The following HPSE2 variants were observed in gnomAD, a reference collection of about 807,000 sequenced individuals.
The protein encoded by HPSE2 is heparanase 2 (inactive), also known as inactive heparanase-2.
Under a neutral mutation model 60.5 loss-of-function variants are expected in HPSE2, and 38 were observed. That is an observed-to-expected ratio of 0.63 (90% CI 0.48 to 0.82). The LOEUF (loss-of-function observed/expected upper bound fraction) is 0.82, where lower values mean the gene tolerates loss of function less well. HPSE2 is among the 40% of genes least tolerant of loss of function. HPSE2 has a pLI of 0.00. For synonymous variants in HPSE2, 295 were observed against 293.2 expected (o/e 1.01, Z -0.06); for missense variants, 713 against 740.4 (o/e 0.96, Z 0.43).
intron 4 of HPSE2, among the ~76,000 whole-genome samples, chr10:98,725,307 C>G (rs1268931277): frequency 4.6e-4 from 70 of 152,124 alleles, no homozygotes; most frequent in Non-Finnish European, 2.5e-4. Context: ...ACCAATGGAA[C>G]AGAACAGAGC....
intron 3 of HPSE2, among the ~76,000 whole-genome samples, chr10:99,134,073 G>A (rs1370830133): frequency 6.6e-6 from 1 of 152,154 alleles, no homozygotes; most frequent in East Asian, 1.9e-4. Flanking sequence ...ACTTCGTGAA[G>A]CATACACAAG....
At chr10:99,032,555 A>G (rs1564751226) in intron 3 of HPSE2, among the ~76,000 whole-genome samples, 1 of 152,166 alleles carries the variant, frequency 6.6e-6, no homozygotes, top group Non-Finnish European at 1.5e-5. Context: ...GCGGATGAAC[A>G]TATTGATGTA....
chr10:99,254,567 T>A, the HPSE2 span, among the ~76,000 whole-genome samples: 37 of 152,152 alleles, frequency 2.4e-4, no homozygotes, highest in Non-Finnish European at 4.7e-4. Flanking sequence ...TTAAAAAGAA[T>A]AAATGTTATT....
intron 6 of HPSE2, among the ~76,000 whole-genome samples, chr10:98,649,190 T>G (rs1054967908): frequency 6.6e-6 from 1 of 152,236 alleles, no homozygotes; most frequent in Non-Finnish European, 1.5e-5. Context: ...CCTCTTTTCA[T>G]GTAATTGTCA....
rs897141771 is a variant in HPSE2 at position 98,936,576 on chromosome 10, G to A, written c.611-192520C>T. 8.4e-5 allele frequency among the ~76,000 whole-genome samples: 12 copies of A among 143,462 alleles called. 3 individuals are homozygous for A. Among genetic ancestry groups the A allele is most frequent in the African/African-American group, 2.3e-4 (8 of 35,220 alleles). 94.1% of individuals were successfully genotyped at this position (143,462 alleles called of 152,430 possible). ...CCGTGCACTTCCCAGGTGAAGTGAC[G>A]CCCCACCCTGTTTCTGCTCTTCCCT... On this transcript the variant is annotated intron_variant, in intron 3 of 11. Transcript: ENST00000370552.
the HPSE2 span, among the ~76,000 whole-genome samples, chr10:99,297,113 G>T: frequency 7.9e-5 from 12 of 152,180 alleles, no homozygotes; most frequent in Admixed American, 7.9e-4. Flanking sequence ...ACCTCGTGTA[G>T]GGCCTGCTTC....
At chr10:99,127,574 A>T (rs538524194) in intron 3 of HPSE2, among the ~76,000 whole-genome samples, 9 of 152,356 alleles carry the variant, frequency 5.9e-5, no homozygotes, top group African/African-American at 2.2e-4. Context: ...AACTTATTTG[A>T]GGGACTAATT....
chr10:99,105,007 C>T (rs1844180897), intron 3 of HPSE2, among the ~76,000 whole-genome samples: 2 of 148,668 alleles, frequency 1.3e-5, no homozygotes, highest in East Asian at 2.0e-4. Flanking sequence ...CACATGTATA[C>T]ATATGTAACA....
intron 3 of HPSE2, among the ~76,000 whole-genome samples, chr10:98,776,884 T>A (rs139572959): frequency 4.8e-4 from 73 of 152,252 alleles, no homozygotes; most frequent in African/African-American, 1.6e-3. Flanking sequence ...GTTCTTAGTA[T>A]AGGAGATGCA....
At chr10:98,765,353 A>T (rs951342114) in intron 3 of HPSE2, among the ~76,000 whole-genome samples, 50 of 152,336 alleles carry the variant, frequency 3.3e-4, no homozygotes, top group African/African-American at 1.2e-3. Context: ...CAGAAAGGTA[A>T]CATCTGGAAA....
At chr10:98,525,156 GC>G (rs773907877) in intron 9 of HPSE2, among the ~76,000 whole-genome samples, 32 of 152,148 alleles carry the variant, frequency 2.1e-4, no homozygotes, top group Admixed American at 2.0e-4. Context: ...GATTACAGGT[GC>G]CCACCACCAT....
At chr10:98,473,494 AAAAAAAAAAAG>A (rs1468102899) in intron 11 of HPSE2, among the ~76,000 whole-genome samples, 3 of 134,230 alleles carry the variant, frequency 2.2e-5, no homozygotes, top group African/African-American at 9.2e-5. Context: ...CAAAAAAAAA[AAAAAAAAAAAG>A]AAGGCAGAAA....
chr10:98,708,998 A>G (rs766606559), intron 5 of HPSE2, among the ~76,000 whole-genome samples: 1 of 152,180 alleles, frequency 6.6e-6, no homozygotes, highest in Non-Finnish European at 1.5e-5. Flanking sequence ...TAGGCTTTCT[A>G]TATCTTATAT....
chr10:99,249,183 C>A, the HPSE2 span, among the ~76,000 whole-genome samples: 1 of 152,164 alleles, frequency 6.6e-6, no homozygotes, highest in Non-Finnish European at 1.5e-5. Context: ...ATGGTAGATG[C>A]GCCAACAGCT....
chr10:98,991,527 G>A (rs1956524401), intron 3 of HPSE2, among the ~76,000 whole-genome samples: 1 of 152,124 alleles, frequency 6.6e-6, no homozygotes, highest in Non-Finnish European at 1.5e-5. Flanking sequence ...TAAAGTGGGT[G>A]GTAGATGGCA....
At chr10:99,204,727 A>AT (rs1172417559) in intron 2 of HPSE2, among the ~76,000 whole-genome samples, 1 of 152,222 alleles carries the variant, frequency 6.6e-6, no homozygotes, top group African/African-American at 2.4e-5. Context: ...ATATGGAAAC[A>AT]TTTTTTGGAG....
chr10:99,055,637 C>T (rs865947804), intron 3 of HPSE2, among the ~76,000 whole-genome samples: 1 of 151,950 alleles, frequency 6.6e-6, no homozygotes, highest in Non-Finnish European at 1.5e-5. Context: ...GTTATCTTAC[C>T]ACAAAATTAA....
chr10:98,512,168 C>T (rs899889685), intron 9 of HPSE2, among the ~76,000 whole-genome samples: 1 of 152,212 alleles, frequency 6.6e-6, no homozygotes, highest in Non-Finnish European at 1.5e-5. Context: ...AAGGCAGATC[C>T]AGAAAGTTTT....
chr10:98,481,566 A>G (rs1003611862), intron 11 of HPSE2, among the ~76,000 whole-genome samples: 1 of 152,216 alleles, frequency 6.6e-6, no homozygotes, highest in African/African-American at 2.4e-5. Context: ...AGCCAGAAAA[A>G]AGAGCCAGCA....
Sources: allele counts gnomAD v4.1 joint callset (sites outside exome capture counted in the v4.1 genomes callset), GRCh38; gene constraint gnomAD v4.1.1; transcripts MANE v1.5; gene names NCBI Gene and HGNC (gene_info 2026-07-23, HGNC 2026-07-21).